RORA: variants seen among roughly 807,000 people sequenced by gnomAD.
RORA encodes nuclear receptor ROR-alpha.
Under a neutral mutation model 69.5 loss-of-function variants are expected in RORA, and 7 were observed. The observed-to-expected ratio is 0.10, with a 90% CI of 0.06 to 0.19. RORA has a LOEUF of 0.19. Ranked by LOEUF, RORA falls within the 10% of genes least tolerant of loss-of-function variation. RORA has a pLI of 1.00. For synonymous variants in RORA, 261 were observed against 240.8 expected (o/e 1.08, Z -0.78); for missense variants, 457 against 663.0 (o/e 0.69, Z 3.41).
In RORA at chr15:60,505,612, T is replaced by C; in HGVS notation, c.838A>G (p.Ile280Val). ...CAGGTTTCCAGATGCGATTTAGATA[T>C]ATTCTGTGCAAGGTGTTCTAAGGAG... ...MAELEHLAQN[I>V]SKSHLETCQY... is the part of the protein sequence containing the mutation. Residue 280 changes from isoleucine to valine, a missense_variant, in exon 6 of 11, where the codon ATA (isoleucine) becomes GTA (valine). Coordinates refer to ENST00000335670, the MANE Select transcript of RORA (RefSeq NM_134261.3). 2 of 1,613,998 alleles carry C rather than the reference T, an allele frequency of 1.2e-6. No individual in the cohort carries two copies. The highest frequency in any genetic ancestry group is 1.1e-5 in the South Asian group (1 of 91,076).
intron 2 of RORA, among the ~76,000 whole-genome samples, chr15:60,668,327 G>GT (rs775621567): frequency 6.6e-6 from 1 of 152,184 alleles, no homozygotes; most frequent in Non-Finnish European, 1.5e-5. Context: ...TAAGAGAGAA[G>GT]TTTTTTAACA....
rs553884596 is a variant in RORA, at chr15:60,836,777, T to C, written c.167-158091A>G. ...CCCTCTTCATCATAGCTCATGTCCA[T>C]TAGTCACTGAATACTCCATGAGCTC... is the stretch of plus-strand genomic sequence containing the variant. On this transcript the variant is annotated intron_variant, in intron 1 of 10. Transcript: ENST00000335670. 3.9e-5 allele frequency among the ~76,000 whole-genome samples: 6 copies of C among 152,282 alleles called. No individual in the cohort carries two copies. In the East Asian group the frequency reaches 9.7e-4, roughly 24 times the overall value.
At position 61,164,959 on chromosome 15, in the gene RORA, G is replaced by A. The variant is rs189921520; in HGVS notation, c.166+64094C>T. 1.1e-4 allele frequency among the ~76,000 whole-genome samples: 17 copies of A among 152,120 alleles called. No homozygotes were observed. The East Asian group carries it at 2.1e-3, about 19-fold the overall frequency. On this transcript the variant is annotated intron_variant, in intron 1 of 10. Transcript: ENST00000335670. ...CAGAGAACCTTTTCAAAGACAGATC[G>A]GCAGCTTTACCCAAAGCACCCTTCA...
At chr15:60,553,883 C>T (rs1291057559) in intron 2 of RORA, among the ~76,000 whole-genome samples, 1 of 152,174 alleles carries the variant, frequency 6.6e-6, no homozygotes, top group Non-Finnish European at 1.5e-5. Flanking sequence ...TGTCACTTCT[C>T]CATAAGTTTA....
chr15:60,629,154 C>T (rs961904798), intron 2 of RORA, among the ~76,000 whole-genome samples: 6 of 147,052 alleles, frequency 4.1e-5, no homozygotes, highest in African/African-American at 1.3e-4. Flanking sequence ...TTCTTCATAG[C>T]TTTTCGATGT....
At chr15:60,759,570 C>T (rs185479201) in intron 1 of RORA, among the ~76,000 whole-genome samples, 4 of 152,244 alleles carry the variant, frequency 2.6e-5, no homozygotes, top group East Asian at 1.9e-4. Context: ...TCACATTTTG[C>T]GTGCAACCAC....
intron 1 of RORA, among the ~76,000 whole-genome samples, chr15:60,984,215 C>T (rs988759759): frequency 6.6e-6 from 1 of 152,022 alleles, no homozygotes; most frequent in Admixed American, 6.5e-5. Context: ...TAACAAGATG[C>T]TTTTGTTCCT....
intron 1 of RORA, among the ~76,000 whole-genome samples, chr15:60,890,497 A>G (rs1798649334): frequency 6.6e-6 from 1 of 152,194 alleles, no homozygotes; most frequent in Admixed American, 6.5e-5. Context: ...CACATAAGCC[A>G]TGGAGGATGA....
chr15:60,838,799 G>T (rs2073153582), intron 1 of RORA, among the ~76,000 whole-genome samples: 1 of 150,118 alleles, frequency 6.7e-6, no homozygotes. Flanking sequence ...CCTTTCAAGG[G>T]AGCATTTGGC....
At chr15:60,956,566 C>T (rs1893273753) in intron 1 of RORA, among the ~76,000 whole-genome samples, 1 of 152,192 alleles carries the variant, frequency 6.6e-6, no homozygotes. Flanking sequence ...GATGCACTAG[C>T]TCTGTGATGA....
At chr15:60,972,740 A>G (rs1566929482) in intron 1 of RORA, among the ~76,000 whole-genome samples, 4 of 152,214 alleles carry the variant, frequency 2.6e-5, no homozygotes, top group African/African-American at 9.7e-5. Context: ...TATCAAATGG[A>G]AATAATAATA....
chr15:60,512,764 G>T (rs1056807550), intron 4 of RORA, among the ~76,000 whole-genome samples: 1 of 152,188 alleles, frequency 6.6e-6, no homozygotes, highest in Non-Finnish European at 1.5e-5. Flanking sequence ...CATATTTAAA[G>T]TGGAGCAGTC....
At chr15:60,529,221 T>C (rs2066455816) in intron 3 of RORA, 1 of 152,232 alleles carries the variant, frequency 6.6e-6, no homozygotes. Flanking sequence ...CTATTTGATA[T>C]GTCTAATGTG....
At chr15:60,802,957 TA>T (rs398027555) in intron 1 of RORA, among the ~76,000 whole-genome samples, 2 of 149,648 alleles carry the variant, frequency 1.3e-5, no homozygotes, top group African/African-American at 2.5e-5. Flanking sequence ...GTTTCTTTTT[TA>T]AAAAAAAAAA....
intron 1 of RORA, among the ~76,000 whole-genome samples, chr15:61,059,988 G>GAAGAAGAAGAAGAA (rs2078155698): frequency 4.5e-4 from 39 of 85,928 alleles, no homozygotes; most frequent in African/African-American, 8.2e-4. Flanking sequence ...AAGAGGAAGA[G>GAAGAAGAAGAAGAA]GAAGAAGAAG....
intron 1 of RORA, among the ~76,000 whole-genome samples, chr15:60,991,260 CTGTT>C (rs2140369745): frequency 6.8e-6 from 1 of 146,690 alleles, no homozygotes; most frequent in East Asian, 2.0e-4. Flanking sequence ...CAAGTAGAAA[CTGTT>C]TGTTGAGTGA....
At chr15:61,072,027 G>A (rs1351760120) in intron 1 of RORA, among the ~76,000 whole-genome samples, 1 of 151,980 alleles carries the variant, frequency 6.6e-6, no homozygotes, top group Non-Finnish European at 1.5e-5. Context: ...TTTTCACCCT[G>A]GAGGATATTT....
At chr15:60,954,185 C>T (rs897457811) in intron 1 of RORA, among the ~76,000 whole-genome samples, 4 of 140,666 alleles carry the variant, frequency 2.8e-5, no homozygotes, top group Non-Finnish European at 6.1e-5. Flanking sequence ...AGTAAACTAT[C>T]GCAAGAACAA....
intron 1 of RORA, among the ~76,000 whole-genome samples, chr15:60,745,886 C>A (rs1288293286): frequency 6.6e-6 from 1 of 152,166 alleles, no homozygotes; most frequent in African/African-American, 2.4e-5. Context: ...GCCGCTGGGT[C>A]TTTTAAAGCC....
Sources: allele counts gnomAD v4.1 joint callset (sites outside exome capture counted in the v4.1 genomes callset), GRCh38; gene constraint gnomAD v4.1.1; transcripts MANE v1.5; gene names NCBI Gene and HGNC (gene_info 2026-07-23, HGNC 2026-07-21).